Variants in ANKH observed in about 807,000 individuals in gnomAD.
The protein encoded by ANKH is ANKH inorganic pyrophosphate transport regulator, also known as mineralization regulator ANKH.
ANKH carries 15 observed loss-of-function variants against 49.0 expected under a neutral mutation model. The ratio of observed to expected loss-of-function variants is 0.31; its 90% CI spans 0.20 to 0.47. The LOEUF is 0.47. ANKH is among the 20% of genes least tolerant of loss of function. ANKH has a pLI of 1.00. For synonymous variants in ANKH, 273 were observed against 260.0 expected (o/e 1.05, Z -0.48); for missense variants, 429 against 652.0 (o/e 0.66, Z 3.72).
intron 1 of ANKH, chr5:14,871,122 C>T: frequency 1.5e-6 from 1 of 655,844 alleles, no homozygotes; most frequent in Non-Finnish European, 2.8e-6. Flanking sequence ...TTCACACCAT[C>T]CAGTCTTTTT....
At chr5:14,827,487 C>T (rs1580099384) in intron 1 of ANKH, among the ~76,000 whole-genome samples, 1 of 152,304 alleles carries the variant, frequency 6.6e-6, no homozygotes, top group African/African-American at 2.4e-5. Context: ...TGGCATTATT[C>T]ACCTGAGTGT....
At chr5:14,796,308 TA>T (rs201256548) in intron 1 of ANKH, among the ~76,000 whole-genome samples, 3 of 149,216 alleles carry the variant, frequency 2.0e-5, no homozygotes, top group African/African-American at 4.9e-5. Context: ...GACAAACTCC[TA>T]AAAAAAAAGC....
chr5:14,837,075 G>A (rs1329094232), intron 1 of ANKH, among the ~76,000 whole-genome samples: 2 of 152,148 alleles, frequency 1.3e-5, no homozygotes, highest in Admixed American at 6.5e-5. Context: ...TATGTAGAAA[G>A]CTGAAACTGG....
At chr5:14,767,716 A>G (rs1739301472) in intron 2 of ANKH, among the ~76,000 whole-genome samples, 1 of 152,198 alleles carries the variant, frequency 6.6e-6, no homozygotes, top group Non-Finnish European at 1.5e-5. Context: ...GTAAAAAAAG[A>G]GCTAGTAACA....
intron 1 of ANKH, among the ~76,000 whole-genome samples, chr5:14,809,804 G>T (rs569991062): frequency 6.6e-5 from 10 of 151,910 alleles, no homozygotes; most frequent in Non-Finnish European, 1.3e-4. Context: ...CAGGAAGTGG[G>T]GTGATGACTC....
intron 4 of ANKH, among the ~76,000 whole-genome samples, chr5:14,754,649 C>T (rs150825433): frequency 3.1e-3 from 465 of 152,104 alleles, no homozygotes; most frequent in African/African-American, 9.9e-3. Flanking sequence ...TAGTGATCCA[C>T]GGAGTAAACA....
intron 1 of ANKH, chr5:14,869,267 G>A (rs1735748379): frequency 6.6e-6 from 1 of 152,196 alleles, no homozygotes; most frequent in Admixed American, 6.5e-5. Flanking sequence ...ATGCTGAAAA[G>A]AGTAAGTCAG....
At chr5:14,792,316 T>C (rs1740194564) in intron 1 of ANKH, among the ~76,000 whole-genome samples, 1 of 152,184 alleles carries the variant, frequency 6.6e-6, no homozygotes, top group Non-Finnish European at 1.5e-5. Context: ...GGGAAGAATG[T>C]GCATAGTGGA....
intron 1 of ANKH, among the ~76,000 whole-genome samples, chr5:14,810,846 A>T (rs1324857322): frequency 1.3e-5 from 2 of 152,204 alleles, no homozygotes; most frequent in Admixed American, 6.5e-5. Flanking sequence ...CTTACGAATC[A>T]TTGTCAAGGT....
At chr5:14,794,551 C>G (rs1740311847) in intron 1 of ANKH, among the ~76,000 whole-genome samples, 1 of 152,238 alleles carries the variant, frequency 6.6e-6, no homozygotes, top group Non-Finnish European at 1.5e-5. Context: ...ACTGTTGGAT[C>G]ACAGTCTTAA....
intron 1 of ANKH, among the ~76,000 whole-genome samples, chr5:14,857,743 T>A (rs1252509158): frequency 1.3e-5 from 2 of 152,198 alleles, no homozygotes; most frequent in East Asian, 3.8e-4. Context: ...GAGTTCAACA[T>A]GGTGTGGCTG....
chr5:14,819,102 C>T (rs931525130), intron 1 of ANKH, among the ~76,000 whole-genome samples: 5 of 152,132 alleles, frequency 3.3e-5, no homozygotes, highest in African/African-American at 9.7e-5. Flanking sequence ...AGCTACCCCT[C>T]GTCTGGCATG....
At chr5:14,823,515 C>T (rs1380050101) in intron 1 of ANKH, among the ~76,000 whole-genome samples, 1 of 152,176 alleles carries the variant, frequency 6.6e-6, no homozygotes. Context: ...AGAAATAATT[C>T]AGGAATTGAG....
chr5:14,746,353 C>A (rs1738542793), intron 6 of ANKH, among the ~76,000 whole-genome samples: 1 of 148,484 alleles, frequency 6.7e-6, no homozygotes, highest in Non-Finnish European at 1.5e-5. Context: ...TTTATTATTA[C>A]TCATATCAGT....
chr5:14,732,448 C>T (rs776351318), intron 8 of ANKH, among the ~76,000 whole-genome samples: 2 of 152,120 alleles, frequency 1.3e-5, no homozygotes, highest in Non-Finnish European at 1.5e-5. Context: ...AAAACCCACA[C>T]AAATTTGAAG....
chr5:14,775,635 G>A lies in ANKH; in HGVS notation c.97-6444C>T, dbSNP rs117056803. ...TTGAGCTGGGACCCAAAGACCAAGA[G>A]TGAGCCAGGTGCATAAAGAGCTGGA... is the stretch of plus-strand genomic sequence containing the variant. On this transcript the variant is annotated intron_variant, in intron 1 of 11. Coordinates refer to ENST00000284268, the MANE Select transcript of ANKH (RefSeq NM_054027.6). Among the ~76,000 whole-genome samples, 363 of 152,302 alleles carry A rather than the reference G, an allele frequency of 2.4e-3. 20 individuals carry two copies. The East Asian group carries it at 0.066, about 28-fold the overall frequency.
chr5:14,788,885 G>C (rs961516106), intron 1 of ANKH, among the ~76,000 whole-genome samples: 1 of 152,200 alleles, frequency 6.6e-6, no homozygotes, highest in Admixed American at 6.5e-5. Flanking sequence ...AAAGAAAAAG[G>C]TGCTTCACAT....
intron 1 of ANKH, among the ~76,000 whole-genome samples, chr5:14,777,150 TG>T (rs36010083): frequency 0.77 from 116,746 of 151,960 alleles, 44,916 homozygotes; most frequent in South Asian, 0.86. Flanking sequence ...CCGGGCGTGG[TG>T]GGGGGGCACC....
intron 1 of ANKH, among the ~76,000 whole-genome samples, chr5:14,832,589 C>G (rs1741535849): frequency 6.6e-6 from 1 of 152,132 alleles, no homozygotes; most frequent in African/African-American, 2.4e-5. Flanking sequence ...AAAACAAATT[C>G]TAATAGATTT....
Sources: allele counts gnomAD v4.1 joint callset (sites outside exome capture counted in the v4.1 genomes callset), GRCh38; gene constraint gnomAD v4.1.1; transcripts MANE v1.5; gene names NCBI Gene and HGNC (gene_info 2026-07-23, HGNC 2026-07-21).